UNC13C: variants seen among roughly 807,000 people sequenced by gnomAD.
The protein encoded by UNC13C is unc-13 homolog C.
In UNC13C, 174 loss-of-function variants were observed where a neutral mutation model predicts 245.4. That is an observed-to-expected ratio of 0.71 (90% CI 0.63 to 0.80). The LOEUF is 0.80. UNC13C is among the 30% of genes least tolerant of loss of function. The pLI is 0.00. For missense variants in UNC13C, 2,829 were observed against 2,602.9 expected (o/e 1.09, Z -1.89); for synonymous variants, 992 against 895.1 (o/e 1.11, Z -1.93).
rs551431241 is a variant in UNC13C at position 54,620,615 on chromosome 15, C to A, written c.6107-1712C>A. Among the ~76,000 whole-genome samples the A allele has an allele frequency of 1.4e-4, 22 of 152,072 alleles. 1 individual carries two copies. The South Asian group carries it at 4.6e-3, about 32-fold the overall frequency. ...TCTCGGCTGGGCATGGCAGCTCACA[C>A]CCATAATTCCAGCACTTTGGGAGGC... On this transcript the variant is annotated intron_variant, in intron 30 of 32. Transcript: ENST00000260323.
At chr15:54,080,445 G>A (rs1303145286) in intron 2 of UNC13C, among the ~76,000 whole-genome samples, 1 of 151,872 alleles carries the variant, frequency 6.6e-6, no homozygotes, top group Non-Finnish European at 1.5e-5. Flanking sequence ...GAATCCATCT[G>A]ATCTTGGGTT....
rs1362241989 is a variant in UNC13C, at chr15:54,254,046, G to A, written c.3448+3602G>A. On this transcript the variant is annotated intron_variant, in intron 8 of 32. Transcript: ENST00000260323. The stretch of plus-strand genomic sequence containing the variant: ...TGTGAGATGTGTTCTTTAGTTCTAC[G>A]TGCTTTCTACTGACATTATGTTGAA... 3.9e-5 allele frequency among the ~76,000 whole-genome samples: 6 copies of A among 152,138 alleles called. No individual in the cohort carries two copies. The East Asian group carries it at 5.8e-4, about 15-fold the overall frequency.
chr15:54,448,452 G>A (rs922903866), intron 19 of UNC13C, among the ~76,000 whole-genome samples: 2 of 152,140 alleles, frequency 1.3e-5, no homozygotes, highest in Admixed American at 6.5e-5. Flanking sequence ...ATGAATCTGG[G>A]TGCTCCTGTA....
At chr15:54,062,449 C>G (rs1443039762) in intron 2 of UNC13C, among the ~76,000 whole-genome samples, 1 of 152,128 alleles carries the variant, frequency 6.6e-6, no homozygotes, top group East Asian at 1.9e-4. Flanking sequence ...TATCCTAGCC[C>G]TAAACTCTCT....
intron 30 of UNC13C, among the ~76,000 whole-genome samples, chr15:54,571,045 T>A (rs151180823): frequency 4.9e-4 from 74 of 152,342 alleles, no homozygotes; most frequent in Non-Finnish European, 2.9e-5. Context: ...CTGCAGATGA[T>A]CATTTCCAAT....
chr15:53,937,397 AC>A, the UNC13C span, among the ~76,000 whole-genome samples: 4 of 152,304 alleles, frequency 2.6e-5, no homozygotes, highest in African/African-American at 9.6e-5. Context: ...AAAAGACTGA[AC>A]CTATGACTAA....
intron 4 of UNC13C, among the ~76,000 whole-genome samples, chr15:54,204,306 G>GAAAAA (rs71132787): frequency 8.0e-6 from 1 of 124,866 alleles, no homozygotes; most frequent in Admixed American, 8.5e-5. Flanking sequence ...ATTAAAAATT[G>GAAAAA]AAAAAAAAAA....
chr15:53,849,235 C>T, the UNC13C span, among the ~76,000 whole-genome samples: 1 of 151,834 alleles, frequency 6.6e-6, no homozygotes, highest in African/African-American at 2.4e-5. Context: ...ATTAAACCTA[C>T]CATGTTGTTG....
chr15:54,382,355 G>A (rs2140901379), intron 17 of UNC13C, among the ~76,000 whole-genome samples: 1 of 152,272 alleles, frequency 6.6e-6, no homozygotes, highest in African/African-American at 2.4e-5. Context: ...TTGGGAGGCA[G>A]AGGCAGGCAG....
the UNC13C span, among the ~76,000 whole-genome samples, chr15:53,861,281 T>C: frequency 0.6 from 90,732 of 151,990 alleles, 27,275 homozygotes; most frequent in East Asian, 0.68. Flanking sequence ...ATCTAAAAGG[T>C]AAGAATCGAA....
At chr15:53,965,532 T>G in the UNC13C span, among the ~76,000 whole-genome samples, 2 of 143,314 alleles carry the variant, frequency 1.4e-5, no homozygotes, top group African/African-American at 5.5e-5. Flanking sequence ...CACTTTCTTT[T>G]TTTTCCCTTA....
At chr15:53,944,063 C>T in the UNC13C span, among the ~76,000 whole-genome samples, 2 of 151,080 alleles carry the variant, frequency 1.3e-5, no homozygotes, top group Admixed American at 6.6e-5. Context: ...TTTAAATCTA[C>T]TCTGTTAATA....
At chr15:53,894,836 G>A in the UNC13C span, among the ~76,000 whole-genome samples, 1 of 151,970 alleles carries the variant, frequency 6.6e-6, no homozygotes, top group Admixed American at 6.6e-5. Context: ...CAAAAGTCAA[G>A]AGATTAGTGT....
the UNC13C span, among the ~76,000 whole-genome samples, chr15:53,880,281 A>G: frequency 1.3e-5 from 2 of 152,194 alleles, no homozygotes; most frequent in African/African-American, 2.4e-5. Context: ...GAAGTTGGCT[A>G]AAACAACTAC....
rs760544996 is a variant in UNC13C at position 54,567,846 on chromosome 15, A to C, written c.6005A>C (p.Glu2002Ala). 6.2e-7 allele frequency: 1 copy of C among 1,604,312 alleles called. No homozygotes were observed. The highest frequency in any genetic ancestry group is 1.1e-5 in the South Asian group (1 of 89,296). ...GGNGLKKNFL[E>A]KSPDLQSLRY... ...AATGGCCTGAAAAAGAATTTCTTGG[A>C]GAAAAGCCCAGATCTTCAGTCTCTG... The change falls in exon 30 of 33, where the codon GAG becomes GCG. Residue 2002 changes from glutamate (E) to alanine (A), a missense_variant. Coordinates refer to ENST00000260323, the MANE Select transcript of UNC13C (RefSeq NM_001080534.3).
At chr15:54,342,123 C>T (rs1385060747) in intron 17 of UNC13C, among the ~76,000 whole-genome samples, 1 of 151,954 alleles carries the variant, frequency 6.6e-6, no homozygotes, top group Non-Finnish European at 1.5e-5. Context: ...GTTTTATGTT[C>T]TGTGAATTGC....
chr15:53,912,046 C>T, the UNC13C span: 21,139 of 152,218 alleles, frequency 0.14, 1,719 homozygotes, highest in South Asian at 0.19. Flanking sequence ...TAACCATCCA[C>T]GAGATTAAAA....
At chr15:54,349,721 G>A (rs944158934) in intron 17 of UNC13C, among the ~76,000 whole-genome samples, 7 of 152,064 alleles carry the variant, frequency 4.6e-5, no homozygotes, top group African/African-American at 1.7e-4. Context: ...CTAACTCTGG[G>A]TACATATTTT....
Position 54,570,861 on chromosome 15 carries a change from C to T in UNC13C, c.6106+2914C>T, listed in dbSNP as rs369567622. On this transcript the variant is annotated intron_variant, in intron 30 of 32. Transcript: ENST00000260323. ...TCTGTCCAGTCCATGTTCTCTTTGG[C>T]GCCAAAGGAAACTCAGCTTCCAAGA... is the stretch of plus-strand genomic sequence containing the variant. Among the ~76,000 whole-genome samples, 184 of 152,252 alleles carry T rather than the reference C, an allele frequency of 1.2e-3. 3 individuals carry two copies. The South Asian group carries it at 0.032, about 26-fold the overall frequency.
Sources: gnomAD v4.1 joint callset for allele counts (sites outside exome capture counted in the v4.1 genomes callset) on GRCh38, gnomAD v4.1.1 for gene constraint, MANE v1.5 for transcripts, NCBI Gene and HGNC (gene_info 2026-07-23, HGNC 2026-07-21) for gene names.